Variants in HRC observed in about 807,000 individuals in gnomAD.
The protein encoded by HRC is sarcoplasmic reticulum histidine-rich calcium-binding protein.
Under a neutral mutation model 61.4 loss-of-function variants are expected in HRC, and 41 were observed. The ratio of observed to expected loss-of-function variants is 0.67; its 90% CI spans 0.52 to 0.87. The LOEUF (loss-of-function observed/expected upper bound fraction) is 0.87. Ranked by LOEUF, HRC falls within the 40% of genes least tolerant of loss-of-function variation. HRC has a pLI of 0.00. For synonymous variants in HRC, 308 were observed against 326.6 expected (o/e 0.94, Z 0.62); for missense variants, 839 against 885.8 (o/e 0.95, Z 0.67).
chr19:49,153,376 C>T lies in HRC; in HGVS notation c.1831+31G>A. ...GCAGTGACCCAGGCTGACTCGGTTC[C>T]TTCCCACCCACACCAGCCCAGGCCA... On this transcript the variant is annotated intron_variant, in intron 1 of 5. Transcript: ENST00000252825. The surrounding 1 kb of genome is among the most constrained non-coding windows in gnomAD (Gnocchi z 4.8). The T allele has an allele frequency of 1.2e-6, 2 of 1,612,672 alleles. No individual in the cohort carries two copies. The highest frequency in any genetic ancestry group is 8.5e-7 in the Non-Finnish European group (1 of 1,178,682).
rs1278387918 is a variant in HRC, at chr19:49,154,130, G to T, written c.1108C>A (p.His370Asn). 6.2e-7 allele frequency: 1 copy of T among 1,614,146 alleles called. No individual in the cohort carries two copies. The highest frequency in any genetic ancestry group is 8.5e-7 in the Non-Finnish European group (1 of 1,180,032). Residue 370 changes from histidine (H) to asparagine (N), a missense_variant, in exon 1 of 6, where the codon CAC becomes AAC. His to Asn is a moderately conservative substitution (Grantham distance 68). Coordinates refer to ENST00000252825, the MANE Select transcript of HRC (RefSeq NM_002152.3). ...TCTTCCTCATCTACAAGGCCATGGT[G>T]GACATGTTGGGGACCCTGGTGCCAA... is the stretch of plus-strand genomic sequence containing the variant. ...ERWHQGPQHV[H>N]HGLVDEEEEE...
rs114734866 is a variant in HRC at position 49,155,291 on chromosome 19, C to T, written c.-54G>A. ...CTGCCTCTGCGGCAATGTGGACAAA[C>T]GTTGGGGTCTTTGTCCCTTTGGGGT... On this transcript the variant is annotated 5_prime_UTR_variant, in exon 1 of 6. Coordinates refer to ENST00000252825, the MANE Select transcript of HRC (RefSeq NM_002152.3). The surrounding 1 kb of genome is among the most constrained non-coding windows in gnomAD (Gnocchi z 4.7). 6.7e-4 allele frequency: 1,017 copies of T among 1,527,266 alleles called. 9 individuals are homozygous for T. In the African/African-American group the frequency reaches 0.013, roughly 19 times the overall value. 94.6% of individuals were successfully genotyped at this position (1,527,266 alleles called of 1,614,324 possible). A position where few individuals can be genotyped will look rare whatever the true frequency, so the allele number is the denominator to read the frequency against.
intron 2 of HRC, among the ~76,000 whole-genome samples, chr19:49,152,630 C>T (rs1484923919): frequency 2.7e-5 from 4 of 150,940 alleles, no homozygotes; most frequent in South Asian, 2.1e-4. Context: ...AGTGCAGTGG[C>T]GCAACCTCAG....
Position 49,155,221 on chromosome 19 carries a change from G to A in HRC, c.17C>T (p.Pro6Leu). 1 of 1,601,282 alleles carries A rather than the reference G, an allele frequency of 6.2e-7. No homozygotes were observed. Among genetic ancestry groups the A allele is most frequent in the Non-Finnish European group, 8.5e-7 (1 of 1,176,118 alleles). ...CCAGAGGACAGAAGCGTGCAGCCAT[G>A]GCCTATGGTGGCCCATGGGGACGGA... MGHHR[P>L]WLHASVLWAG... Residue 6 changes from proline (P) to leucine (L), a missense_variant, in exon 1 of 6, where the codon CCA becomes CTA. By Grantham distance (98) the Pro-to-Leu change is moderately conservative. Transcript: ENST00000252825. The surrounding 1 kb of genome is among the most constrained non-coding windows in gnomAD (Gnocchi z 4.7).
Position 49,154,530 on chromosome 19 carries a change from G to C in HRC, c.708C>G (p.Pro236=), listed in dbSNP as rs1461542930. Residue 236 remains proline, a synonymous_variant, in exon 1 of 6, where the codon CCC becomes CCG. Transcript: ENST00000252825. ...DVSDGHHHHG[P]SHRHQGHEED... is the part of the protein sequence containing the mutation. ...CTTCATGGCCTTGGTGCCTGTGGCTGGGGCCATGATGATGGTGTCCATCTG... is the reference window on the plus strand; with the variant it reads ...CTTCATGGCCTTGGTGCCTGTGGCTCGGGCCATGATGATGGTGTCCATCTG... 1 of 1,611,276 alleles carries C rather than the reference G, an allele frequency of 6.2e-7. No individual in the cohort carries two copies. The highest frequency in any genetic ancestry group is 8.5e-7 in the Non-Finnish European group (1 of 1,179,172).
At chr19:49,151,605 A>G (rs1600361026) in intron 4 of HRC, 52 bp from the exon 5 acceptor site, 1 of 1,533,276 alleles carries the variant, frequency 6.5e-7, no homozygotes, top group Non-Finnish European at 9.0e-7. Flanking sequence ...GAGCAAAATT[A>G]GGCAGCCACT....
In HRC at chr19:49,152,292, TGTGAG is replaced by T; in HGVS notation, c.1971+13_1971+17del. On this transcript the variant is annotated intron_variant, in intron 3 of 5. Coordinates refer to ENST00000252825, the MANE Select transcript of HRC (RefSeq NM_002152.3). ...TCCTGAGGCCCAGTGGAGCCTTGAG[TGTGAG>T]GTGAGGTCTCACCTGGCACTGGTCG... 6.2e-7 allele frequency: 1 copy of T among 1,606,280 alleles called. No individual in the cohort carries two copies. Among genetic ancestry groups the T allele is most frequent in the Non-Finnish European group, 8.5e-7 (1 of 1,174,028 alleles).
rs575424777 is a variant in HRC, at chr19:49,153,963, C to G, written c.1275G>C (p.Glu425Asp). 1.4e-5 allele frequency: 23 copies of G among 1,612,500 alleles called. No individual in the cohort carries two copies. The South Asian group carries it at 2.5e-4, about 18-fold the overall frequency. ...GCTCAGCAGAGACCTCCTCATCTTC[C>G]TCCCTGGGGACTCTGTGGTGGTGAT... The part of the protein sequence containing the change: ...PHHHHHRVPR[E>D]EDEEVSAELG... Residue 425 changes from glutamate (E) to aspartate (D), a missense_variant, in exon 1 of 6, where the codon GAG (glutamate) becomes GAC (aspartate). Glu to Asp is a conservative substitution (Grantham distance 45). Coordinates refer to ENST00000252825, the MANE Select transcript of HRC (RefSeq NM_002152.3). This position sits in a 1 kb window ranked among gnomAD's most constrained non-coding sequence, Gnocchi z 4.8.
rs2041386067 is a variant in HRC, at chr19:49,153,831, TG to T, written c.1406del (p.Thr469LysfsTer9). ...TCAAATGGCTTCTATCCTTGACCAC[TG>T]TGTGTCCTGGGGGGTGATGGCTCAT... ...KEMSHHPPGH[T>X]VVKDRSHLRK... On this transcript the variant is annotated frameshift_variant, in exon 1 of 6. Transcript: ENST00000252825. LOFTEE classifies it high-confidence loss of function. The surrounding 1 kb of genome is among the most constrained non-coding windows in gnomAD (Gnocchi z 4.8). The T allele has an allele frequency of 1.9e-6, 3 of 1,614,158 alleles. No individual in the cohort carries two copies. In the East Asian group the frequency reaches 6.7e-5, roughly 36 times the overall value.
intron 5 of HRC, 85 bp from the exon 6 acceptor site, chr19:49,151,417 A>G: frequency 6.4e-7 from 1 of 1,568,984 alleles, no homozygotes; most frequent in Non-Finnish European, 8.7e-7. Context: ...TGCCCATTTC[A>G]TGGACGGGGA....
Position 49,154,489 on chromosome 19 carries a change from TC to T in HRC, c.748del (p.Asp250MetfsTer125). On this transcript the variant is annotated frameshift_variant, in exon 1 of 6. Coordinates refer to ENST00000252825, the MANE Select transcript of HRC (RefSeq NM_002152.3). LOFTEE classifies it high-confidence loss of function. ...ATCATCATCATCATCATCATCATCA[TC>T]ATCATCGTCATCTTCTTCATGGCCT... Reference protein sequence around the residue: ...HQGHEEDDDDDDDDDDDDDDD... With the variant: ...HQGHEEDDDDXDDDDDDDDDD... 6.3e-7 allele frequency: 1 copy of T among 1,588,298 alleles called. No individual in the cohort carries two copies. Among genetic ancestry groups the T allele is most frequent in the Non-Finnish European group, 8.6e-7 (1 of 1,161,218 alleles).
In HRC at chr19:49,154,598, G is replaced by A. The variant is rs1568446144; in HGVS notation, c.640C>T (p.His214Tyr). 1.1e-5 allele frequency: 18 copies of A among 1,603,924 alleles called. No individual in the cohort carries two copies. The South Asian group carries it at 1.9e-4, about 17-fold the overall frequency. The change falls in exon 1 of 6, where the codon CAC becomes TAC. Residue 214 changes from histidine to tyrosine, a missense_variant. Transcript: ENST00000252825. ...TCACTCCCATGGCCTCGGTGCCTGT[G>A]GGCCTGGTGTCCATACTCAGTGGAG... ...EASTEYGHQA[H>Y]RHRGHGSEED... is the part of the protein sequence containing the mutation.
intron 4 of HRC, 146 bp downstream of exon 4, chr19:49,151,858 C>T: frequency 1.3e-6 from 1 of 776,174 alleles, no homozygotes; most frequent in Non-Finnish European, 2.1e-6. Flanking sequence ...AGCCAGGCCC[C>T]GGCCCACGTG....
Position 49,154,692 on chromosome 19 carries a change from G to C in HRC, c.546C>G (p.His182Gln). 6.2e-7 allele frequency: 1 copy of C among 1,613,654 alleles called. No homozygotes were observed. The highest frequency in any genetic ancestry group is 1.7e-5 in the Admixed American group (1 of 59,976). Residue 182 changes from histidine (H) to glutamine (Q), a missense_variant, in exon 1 of 6, where the codon CAC becomes CAG. Physicochemically the swap from His to Gln is conservative, Grantham distance 24. Coordinates refer to ENST00000252825, the MANE Select transcript of HRC (RefSeq NM_002152.3). ...CATCATCTTCCCCATCATGGCCTCG[G>C]TGTCCATGCCTGAGGATATGATGGT... ...EHHHHILRHG[H>Q]RGHDGEDDEG... is the part of the protein sequence containing the mutation.
intron 3 of HRC, 26 bp from the exon 4 acceptor site, chr19:49,152,084 G>C (rs564465029): frequency 6.2e-7 from 1 of 1,608,864 alleles, no homozygotes; most frequent in East Asian, 2.2e-5. Flanking sequence ...GGGAGAGAGA[G>C]TGAGCGTGGG....
In HRC at chr19:49,153,407, C is replaced by T. The variant is rs775801597; in HGVS notation, c.1831G>A (p.Gly611Ser). The T allele has an allele frequency of 6.2e-7, 1 of 1,613,082 alleles. No homozygotes were observed. Among genetic ancestry groups the T allele is most frequent in the Non-Finnish European group, 8.5e-7 (1 of 1,179,142 alleles). Residue 611 changes from glycine to serine, a missense_variant and splice_region_variant, in exon 1 of 6, where the codon GGT (glycine) becomes AGT (serine). Coordinates refer to ENST00000252825, the MANE Select transcript of HRC (RefSeq NM_002152.3). The surrounding 1 kb of genome is among the most constrained non-coding windows in gnomAD (Gnocchi z 4.8). ...ACCCACACCAGCCCAGGCCACTTAC[C>T]TGTGTCCTCACCGCTTTCCTCCTCG... is the stretch of plus-strand genomic sequence containing the variant. ...SSEEESGEDT[G>S]PQDAQEYGNY...
In HRC at chr19:49,154,150, T is replaced by C; in HGVS notation, c.1088A>G (p.His363Arg). 3 of 1,614,160 alleles carry C rather than the reference T, an allele frequency of 1.9e-6. No homozygotes were observed. The highest frequency in any genetic ancestry group is 2.5e-6 in the Non-Finnish European group (3 of 1,180,018). ...EDEDVSTERW[H>R]QGPQHVHHGL... ...ATGGTGGACATGTTGGGGACCCTGG[T>C]GCCAACGTTCAGTGGACACATCCTC... The change falls in exon 1 of 6, where the codon CAC becomes CGC. Residue 363 changes from histidine to arginine, a missense_variant. Coordinates refer to ENST00000252825, the MANE Select transcript of HRC (RefSeq NM_002152.3).
rs61355957 is a variant in HRC, at chr19:49,154,453, ACATCATCATCATCATCATCATCAT to A, written c.761_784del (p.Asp254_Asp261del). The A allele has an allele frequency of 1.3e-6, 2 of 1,558,218 alleles. No individual in the cohort carries two copies. Among genetic ancestry groups the A allele is most frequent in the African/African-American group, 1.5e-5 (1 of 68,516 alleles). On this transcript the variant is annotated inframe_deletion, in exon 1 of 6. Coordinates refer to ENST00000252825, the MANE Select transcript of HRC (RefSeq NM_002152.3). Reference sequence around the variant, plus strand: ...AGCCTGGTGTCTATATTCAATGGAGACATCATCATCATCATCATCATCATCATCATCATCATCATCATCGTCATC... The same window carrying A: ...AGCCTGGTGTCTATATTCAATGGAGACATCATCATCATCATCATCGTCATC...
At position 49,153,609 on chromosome 19, in the gene HRC, C is replaced by T. The variant is rs1391061633; in HGVS notation, c.1629G>A (p.Glu543=). The stretch of plus-strand genomic sequence containing the variant: ...TCCTCTCCTCGTCTTCTTCCTCCTC[C>T]TCCTCCTCCTTGTCTTCCTCTTCTT... ...EEEEEEDKEE[E]EEEEDEERRE... The change falls in exon 1 of 6, where the codon GAG becomes GAA. Residue 543 remains glutamate (E), a synonymous_variant. Transcript: ENST00000252825. The surrounding 1 kb of genome is among the most constrained non-coding windows in gnomAD (Gnocchi z 4.8). 6.5e-7 allele frequency: 1 copy of T among 1,543,296 alleles called. No individual in the cohort carries two copies. Among genetic ancestry groups the T allele is most frequent in the Admixed American group, 1.7e-5 (1 of 57,888 alleles).
Sources: gnomAD v4.1 joint callset for allele counts (sites outside exome capture counted in the v4.1 genomes callset) on GRCh38, gnomAD v4.1.1 for gene constraint, Gnocchi (gnomAD v3.1) non-coding constraint, MANE v1.5 for transcripts, NCBI Gene and HGNC (gene_info 2026-07-23, HGNC 2026-07-21) for gene names.